ACAA2: variants seen among roughly 807,000 people sequenced by gnomAD.
The protein encoded by ACAA2 is acetyl-CoA acyltransferase 2.
A neutral mutation model predicts 44.8 loss-of-function variants in ACAA2; 35 were observed. The observed-to-expected ratio is 0.78, with a 90% CI of 0.60 to 1.04. The LOEUF (loss-of-function observed/expected upper bound fraction) is 1.04. Ranked by LOEUF, ACAA2 falls within the 50% of genes least tolerant of loss-of-function variation. ACAA2 has a pLI of 0.00. For synonymous variants in ACAA2, 142 were observed against 166.5 expected (o/e 0.85, Z 1.13); for missense variants, 468 against 482.6 (o/e 0.97, Z 0.28).
chr18:49,793,487 T>G (rs1249636931), intron 5 of ACAA2, among the ~76,000 whole-genome samples: 2 of 152,224 alleles, frequency 1.3e-5, no homozygotes, highest in African/African-American at 4.8e-5. Flanking sequence ...TGATAACTCT[T>G]GACTTCTAGA....
chr18:49,808,983 C>A lies in ACAA2; in HGVS notation c.16+4486G>T, dbSNP rs994189434. Among the ~76,000 whole-genome samples the A allele has an allele frequency of 2.6e-5, 4 of 152,062 alleles. No individual in the cohort carries two copies. In the East Asian group the frequency reaches 7.7e-4, roughly 29 times the overall value. Reference sequence around the variant, plus strand: ...GGGGTATTTCAGTCCTTATCTCAACCGCATAAGACAGACACTCCCAGAGCG... The same window carrying A: ...GGGGTATTTCAGTCCTTATCTCAACAGCATAAGACAGACACTCCCAGAGCG... On this transcript the variant is annotated intron_variant, in intron 1 of 9. Transcript: ENST00000285093.
At chr18:49,811,229 G>C (rs1349682066) in intron 1 of ACAA2, among the ~76,000 whole-genome samples, 1 of 152,032 alleles carries the variant, frequency 6.6e-6, no homozygotes, top group African/African-American at 2.4e-5. Flanking sequence ...TGACAATACA[G>C]GAAAAGCACC....
chr18:49,787,199 G>C (rs1173226878), intron 8 of ACAA2, 92 bp downstream of exon 8: 1 of 997,832 alleles, frequency 1.0e-6, no homozygotes, highest in Non-Finnish European at 1.4e-6. Flanking sequence ...GAAATTCAAA[G>C]AGCAATGAGA....
intron 1 of ACAA2, among the ~76,000 whole-genome samples, chr18:49,808,306 A>G (rs2143980946): frequency 6.6e-6 from 1 of 152,312 alleles, no homozygotes; most frequent in South Asian, 2.1e-4. Context: ...TTCTTATAAA[A>G]CTAAACACAC....
chr18:49,803,056 T>C, intron 1 of ACAA2: 1 of 642,132 alleles, frequency 1.6e-6, no homozygotes, highest in Non-Finnish European at 2.8e-6. Flanking sequence ...TTTACCTACA[T>C]GCAGGTACCA....
chr18:49,789,074 C>A (rs1251519972), intron 7 of ACAA2, among the ~76,000 whole-genome samples: 1 of 152,134 alleles, frequency 6.6e-6, no homozygotes, highest in Non-Finnish European at 1.5e-5. Flanking sequence ...AAAGTTCCAC[C>A]CACCAACCTC....
chr18:49,787,421 G>GT (rs1182107750), intron 7 of ACAA2, 60 bp from the exon 8 acceptor site: 2 of 1,171,700 alleles, frequency 1.7e-6, no homozygotes. Context: ...TTATATTTAC[G>GT]TATCAAGCTT....
chr18:49,788,437 C>A (rs553871079), intron 7 of ACAA2, among the ~76,000 whole-genome samples: 10 of 152,294 alleles, frequency 6.6e-5, no homozygotes, highest in Admixed American at 1.3e-4. Context: ...CTTTGGACAA[C>A]AAACCACGTG....
chr18:49,792,114 CAG>C (rs776164451), intron 6 of ACAA2, 36 bp downstream of exon 6: 4 of 1,564,000 alleles, frequency 2.6e-6, no homozygotes, highest in Non-Finnish European at 3.5e-6. Context: ...TTGAACACAC[CAG>C]GAAGAATTCA....
At position 49,802,797 on chromosome 18, in the gene ACAA2, T is replaced by C. The variant is rs1463722806; in HGVS notation, c.73A>G (p.Lys25Glu). The C allele has an allele frequency of 1.2e-6, 2 of 1,614,104 alleles. No individual in the cohort carries two copies. Among genetic ancestry groups the C allele is most frequent in the Non-Finnish European group, 1.7e-6 (2 of 1,180,014 alleles). The change falls in exon 2 of 10, where the codon AAA (lysine) becomes GAA (glutamate). Residue 25 changes from lysine to glutamate, a missense_variant. Coordinates refer to ENST00000285093, the MANE Select transcript of ACAA2 (RefSeq NM_006111.3). The stretch of plus-strand genomic sequence containing the variant: ...GACAAGTCAGTAGCAGTGAAGTCTT[T>C]CAGAAGGCCTCCGTAAGCTCCAAAG... ...TPFGAYGGLL[K>E]DFTATDLSEF... is the part of the protein sequence containing the mutation.
At chr18:49,795,933 G>C in intron 3 of ACAA2, 52 bp from the exon 4 acceptor site, 3 of 1,125,734 alleles carry the variant, frequency 2.7e-6, no homozygotes, top group South Asian at 1.3e-5. Context: ...CCCAAACAAT[G>C]TATTAAGAAA....
intron 2 of ACAA2, among the ~76,000 whole-genome samples, chr18:49,801,134 A>C (rs1417387660): frequency 6.6e-6 from 1 of 152,154 alleles, no homozygotes; most frequent in East Asian, 1.9e-4. Context: ...ATAATATAAA[A>C]CTCAATTAGA....
In ACAA2 at chr18:49,783,464, T is replaced by G. The variant is rs2023289339; in HGVS notation, c.*383A>C. The G allele has an allele frequency of 6.1e-6, 1 of 165,156 alleles. No individual in the cohort carries two copies. Among genetic ancestry groups the G allele is most frequent in the African/African-American group, 2.4e-5 (1 of 41,944 alleles). 10.2% of individuals were successfully genotyped at this position (165,156 alleles called of 1,614,324 possible). On this transcript the variant is annotated 3_prime_UTR_variant, in exon 10 of 10. Transcript: ENST00000285093. ...TATGTAATGTGTATCTTATCACAAT[T>G]TAAAATTTTTAAAAATATAAATGAC...
chr18:49,783,944 G>A lies in ACAA2; in HGVS notation c.1110-13C>T. 2 of 1,611,378 alleles carry A rather than the reference G, an allele frequency of 1.2e-6. No homozygotes were observed. The highest frequency in any genetic ancestry group is 1.7e-6 in the Non-Finnish European group (2 of 1,177,642). On this transcript the variant is annotated splice_polypyrimidine_tract_variant and intron_variant, in intron 9 of 9. Coordinates refer to ENST00000285093, the MANE Select transcript of ACAA2 (RefSeq NM_006111.3). Reference sequence around the variant, plus strand: ...TCCACCTCGACGCCTGAAAAAGAAAGCAGTGACTGAAATCTACTCTAATAA... The same window carrying A: ...TCCACCTCGACGCCTGAAAAAGAAAACAGTGACTGAAATCTACTCTAATAA...
rs2023343619 is a variant in ACAA2, at chr18:49,787,277, A to AAAAAAAAAC, written c.954+13_954+14insGTTTTTTTT. ...CATGTTGTTAAAAAAAAAAAAAAAAAAAAAAACACTTACCTCTACCAAATC... is the reference window on the plus strand; with the variant it reads ...CATGTTGTTAAAAAAAAAAAAAAAAAAAAAAAAACAAAAAACACTTACCTCTACCAAATC... On this transcript the variant is annotated intron_variant, in intron 8 of 9. Coordinates refer to ENST00000285093, the MANE Select transcript of ACAA2 (RefSeq NM_006111.3). 6.8e-7 allele frequency: 1 copy of AAAAAAAAAC among 1,465,014 alleles called. No homozygotes were observed. Among genetic ancestry groups the AAAAAAAAAC allele is most frequent in the African/African-American group, 1.5e-5 (1 of 67,392 alleles). 90.8% of individuals were successfully genotyped at this position (1,465,014 alleles called of 1,614,324 possible).
intron 3 of ACAA2, among the ~76,000 whole-genome samples, chr18:49,796,456 A>G (rs2023465670): frequency 6.6e-6 from 1 of 152,236 alleles, no homozygotes; most frequent in South Asian, 2.1e-4. Flanking sequence ...TTTAAGATAT[A>G]TCGTTATAGA....
Position 49,783,065 on chromosome 18 carries a change from G to T in ACAA2, c.*782C>A, listed in dbSNP as rs143462465. 5 of 152,318 alleles carry T rather than the reference G, an allele frequency of 3.3e-5. No individual in the cohort carries two copies. The highest frequency in any genetic ancestry group is 1.2e-4 in the African/African-American group (5 of 41,548). The allele number at this position is 152,318 out of a possible 1,614,324, so 9.4% of individuals were successfully genotyped here. On this transcript the variant is annotated 3_prime_UTR_variant, in exon 10 of 10. Transcript: ENST00000285093. Reference sequence around the variant, plus strand: ...GGATGAAAGATGGCCTTTAAGCTGGGAAGAAGGAAGTAAGGTTTATACACA... The same window carrying T: ...GGATGAAAGATGGCCTTTAAGCTGGTAAGAAGGAAGTAAGGTTTATACACA...
At position 49,802,784 on chromosome 18, in the gene ACAA2, G is replaced by A. The variant is rs1210870825; in HGVS notation, c.86C>T (p.Ala29Val). 1 of 1,614,142 alleles carries A rather than the reference G, an allele frequency of 6.2e-7. No individual in the cohort carries two copies. Among genetic ancestry groups the A allele is most frequent in the Non-Finnish European group, 8.5e-7 (1 of 1,180,028 alleles). Residue 29 changes from alanine (A) to valine (V), a missense_variant, in exon 2 of 10, where the codon GCT becomes GTT. By Grantham distance (64) the Ala-to-Val change is moderately conservative. Coordinates refer to ENST00000285093, the MANE Select transcript of ACAA2 (RefSeq NM_006111.3). ...GGCAGCAAATTCAGACAAGTCAGTA[G>A]CAGTGAAGTCTTTCAGAAGGCCTCC... ...AYGGLLKDFT[A>V]TDLSEFAAKA... is the part of the protein sequence containing the mutation.
At chr18:49,785,594 G>C (rs1005532015) in intron 8 of ACAA2, 3 of 491,828 alleles carry the variant, frequency 6.1e-6, no homozygotes, top group African/African-American at 5.9e-5. Context: ...CCCATAAATT[G>C]ACACATACCA....
Sources: gnomAD v4.1 joint callset for allele counts (sites outside exome capture counted in the v4.1 genomes callset) on GRCh38, gnomAD v4.1.1 for gene constraint, MANE v1.5 for transcripts, NCBI Gene and HGNC (gene_info 2026-07-23, HGNC 2026-07-21) for gene names.